The following SUPT3H variants were observed in gnomAD, a reference collection of about 807,000 sequenced individuals.
SUPT3H encodes the protein SPT3 homolog, SAGA and STAGA complex component.
In SUPT3H, 44 loss-of-function variants were observed where a neutral mutation model predicts 44.3. That is an observed-to-expected ratio of 0.99 (90% confidence interval 0.78 to 1.28). The LOEUF (loss-of-function observed/expected upper bound fraction) is 1.28, where lower values mean the gene tolerates loss of function less well. Among genes scored for constraint, SUPT3H ranks in the 50% most tolerant of loss-of-function variants. The pLI is 0.00. For missense variants in SUPT3H, 380 were observed against 387.1 expected, an observed-to-expected ratio of 0.98 and a Z score of 0.15; for synonymous variants, 124 against 125.6, an observed-to-expected ratio of 0.99 and a Z score of 0.09.
chr6:44,986,372 A>T (rs930405930), intron 6 of SUPT3H, among the ~76,000 whole-genome samples: 12 of 152,180 alleles, frequency 7.9e-5, no homozygotes, highest in Non-Finnish European at 1.3e-4. Flanking sequence ...GAAGAAAGGA[A>T]TACATCAGAT....
intron 2 of SUPT3H, chr6:45,328,061 G>T: frequency 3.9e-6 from 1 of 258,476 alleles, no homozygotes; most frequent in Non-Finnish European, 7.8e-6. Flanking sequence ...GGCTCCTTCA[G>T]CATTTGTATT....
intron 2 of SUPT3H, among the ~76,000 whole-genome samples, chr6:45,330,079 T>A (rs1206080809): frequency 1.3e-5 from 2 of 151,862 alleles, no homozygotes; most frequent in African/African-American, 4.8e-5. Context: ...GAAAAAATGG[T>A]TTCTCTTACA....
At chr6:45,011,984 A>C (rs753872362) in intron 5 of SUPT3H, among the ~76,000 whole-genome samples, 1 of 151,642 alleles carries the variant, frequency 6.6e-6, no homozygotes, top group African/African-American at 2.4e-5. Flanking sequence ...CAGCACTTTG[A>C]ATATATCATC....
At chr6:44,982,506 T>C (rs920556696) in intron 6 of SUPT3H, among the ~76,000 whole-genome samples, 2 of 152,222 alleles carry the variant, frequency 1.3e-5, no homozygotes, top group African/African-American at 4.8e-5. Flanking sequence ...TGAGCCACCA[T>C]GCCCAGCCCG....
chr6:45,033,294 T>C (rs937109958), intron 3 of SUPT3H, among the ~76,000 whole-genome samples: 1 of 152,146 alleles, frequency 6.6e-6, no homozygotes, highest in Non-Finnish European at 1.5e-5. Context: ...TGGTTGAACC[T>C]AAAATAAAAT....
At chr6:44,928,882 C>CAAAATAAAAAAAAAAAAAAAAA (rs1491206167) in intron 10 of SUPT3H, among the ~76,000 whole-genome samples, 2 of 20,644 alleles carry the variant, frequency 9.7e-5, no homozygotes, top group Non-Finnish European at 1.5e-4. Flanking sequence ...GACTCCGTCT[C>CAAAATAAAAAAAAAAAAAAAAA]AAAAAAAAAA....
chr6:44,999,765 A>G (rs999884234), intron 6 of SUPT3H, among the ~76,000 whole-genome samples: 6 of 152,062 alleles, frequency 3.9e-5, no homozygotes, highest in African/African-American at 1.4e-4. Flanking sequence ...GAAGCTTTCA[A>G]TGCTCTGGAA....
At chr6:44,950,888 A>G (rs887082031) in intron 9 of SUPT3H, among the ~76,000 whole-genome samples, 1 of 149,682 alleles carries the variant, frequency 6.7e-6, no homozygotes, top group African/African-American at 2.5e-5. Context: ...TTTAGGGTAC[A>G]TGTGCACATT....
At chr6:44,961,174 C>T (rs1176480873) in intron 7 of SUPT3H, among the ~76,000 whole-genome samples, 1 of 152,100 alleles carries the variant, frequency 6.6e-6, no homozygotes, top group Non-Finnish European at 1.5e-5. Context: ...TTTCAATAAG[C>T]TGATGTGCAG....
chr6:44,861,672 C>T (rs922662698), intron 10 of SUPT3H, among the ~76,000 whole-genome samples: 3 of 151,914 alleles, frequency 2.0e-5, no homozygotes, highest in Non-Finnish European at 4.4e-5. Flanking sequence ...CAGATGTGAG[C>T]CACCACCATG....
At chr6:44,886,824 A>G (rs936481463) in intron 10 of SUPT3H, among the ~76,000 whole-genome samples, 4 of 152,216 alleles carry the variant, frequency 2.6e-5, no homozygotes, top group African/African-American at 9.6e-5. Flanking sequence ...CAGACTGGCA[A>G]ATTGGATAAA....
At chr6:44,859,525 C>CATACT (rs1774268406) in intron 10 of SUPT3H, among the ~76,000 whole-genome samples, 1 of 152,136 alleles carries the variant, frequency 6.6e-6, no homozygotes, top group Non-Finnish European at 1.5e-5. Context: ...GTAAAGCTAT[C>CATACT]ATACTATACC....
At chr6:44,954,318 A>G (rs1425524787) in intron 8 of SUPT3H, among the ~76,000 whole-genome samples, 177 bp downstream of exon 8, 1 of 152,178 alleles carries the variant, frequency 6.6e-6, no homozygotes, top group Non-Finnish European at 1.5e-5. Flanking sequence ...ATCCACTTGA[A>G]TTGAGGATGC....
intron 3 of SUPT3H, among the ~76,000 whole-genome samples, chr6:45,032,751 C>A (rs1178136727): frequency 6.6e-6 from 1 of 152,186 alleles, no homozygotes; most frequent in African/African-American, 2.4e-5. Flanking sequence ...GACCTAAGCA[C>A]TCCCTTTCCA....
Position 45,285,360 on chromosome 6 carries a change from A to G in SUPT3H, c.101+79841T>C, listed in dbSNP as rs188367025. Reference sequence around the variant, plus strand: ...TAGAAAACCCCACCGTCTCAGCCCAAAATCTCCTTAAGCTGATTGTCAACT... The same window carrying G: ...TAGAAAACCCCACCGTCTCAGCCCAGAATCTCCTTAAGCTGATTGTCAACT... On this transcript the variant is annotated intron_variant, in intron 2 of 10. Transcript: ENST00000371459. Among the ~76,000 whole-genome samples, 3 of 152,346 alleles carry G rather than the reference A, an allele frequency of 2.0e-5. No homozygotes were observed. In the East Asian group the frequency reaches 5.8e-4, roughly 29 times the overall value.
chr6:44,925,927 G>A (rs1769444040), intron 10 of SUPT3H, among the ~76,000 whole-genome samples: 1 of 151,944 alleles, frequency 6.6e-6, no homozygotes, highest in Non-Finnish European at 1.5e-5. Flanking sequence ...TTTTCTGATG[G>A]GACAATTCAT....
At chr6:44,876,845 AAAAAAG>A (rs1339111199) in intron 10 of SUPT3H, among the ~76,000 whole-genome samples, 3 of 150,834 alleles carry the variant, frequency 2.0e-5, no homozygotes, top group East Asian at 1.9e-4. Context: ...TGAAAAAAAA[AAAAAAG>A]AAAAAGAAAA....
chr6:45,335,891 A>G (rs1788448468), intron 2 of SUPT3H, among the ~76,000 whole-genome samples: 1 of 151,364 alleles, frequency 6.6e-6, no homozygotes, highest in Non-Finnish European at 1.5e-5. Flanking sequence ...AAATGCAGAA[A>G]AACTTGCTAC....
At chr6:45,123,054 C>A (rs1483780040) in intron 2 of SUPT3H, among the ~76,000 whole-genome samples, 1 of 152,134 alleles carries the variant, frequency 6.6e-6, no homozygotes, top group African/African-American at 2.4e-5. Flanking sequence ...GTCCTATTTT[C>A]TTTATTGGGT....
Sources: gnomAD v4.1 joint callset for allele counts (sites outside exome capture counted in the v4.1 genomes callset) on GRCh38, gnomAD v4.1.1 for gene constraint, MANE v1.5 for transcripts, NCBI Gene and HGNC (gene_info 2026-07-23, HGNC 2026-07-21) for gene names.